The following LETM1 variants were observed in gnomAD, a reference collection of about 807,000 sequenced individuals.
The protein encoded by LETM1 is mitochondrial proton/calcium exchanger protein.
In LETM1, 50 loss-of-function variants were observed where a neutral mutation model predicts 74.5. The ratio of observed to expected loss-of-function variants is 0.67; its 90% CI spans 0.53 to 0.85. The LOEUF (loss-of-function observed/expected upper bound fraction) is 0.85. LETM1 is among the 40% of genes least tolerant of loss of function. The pLI, the probability that LETM1 is intolerant of heterozygous loss-of-function variation, is 0.00. For missense variants in LETM1, 824 were observed against 967.8 expected (o/e 0.85, Z 1.97); for synonymous variants, 446 against 407.1 (o/e 1.10, Z -1.15).
Position 1,822,362 on chromosome 4 carries a change from GTCT to G in LETM1, c.1477-53_1477-51del. 4 of 1,404,220 alleles carry G rather than the reference GTCT, an allele frequency of 2.8e-6. No homozygotes were observed. The South Asian group carries it at 6.7e-5, about 24-fold the overall frequency. The allele number at this position is 1,404,220 out of a possible 1,614,324, so 87.0% of individuals were successfully genotyped here. On this transcript the variant is annotated intron_variant, in intron 9 of 13. Coordinates refer to ENST00000302787, the MANE Select transcript of LETM1 (RefSeq NM_012318.3). ...CAGCGCCCGCCATCACACAGAAGCA[GTCT>G]TCTTGCTCCCCGAAGCTCAGAACAT...
In LETM1 at chr4:1,815,292, C is replaced by T. The variant is rs569864304; in HGVS notation, c.2070+372G>A. Among the ~76,000 whole-genome samples the T allele has an allele frequency of 3.3e-5, 5 of 152,210 alleles. No homozygotes were observed. In the East Asian group the frequency reaches 9.7e-4, roughly 30 times the overall value. On this transcript the variant is annotated intron_variant, in intron 13 of 13. Coordinates refer to ENST00000302787, the MANE Select transcript of LETM1 (RefSeq NM_012318.3). ...TGTAGTTGCCTCTCAGCTTTGGGGG[C>T]CCCCGGCAGGTGTGAAGTGCCCCCA...
At chr4:1,819,990 G>C (rs1349653767) in intron 10 of LETM1, among the ~76,000 whole-genome samples, 1 of 152,022 alleles carries the variant, frequency 6.6e-6, no homozygotes. Context: ...CAGGCTGGAG[G>C]GCAGTGGTGC....
chr4:1,844,343 G>C (rs1053348234), intron 2 of LETM1, among the ~76,000 whole-genome samples: 1 of 152,378 alleles, frequency 6.6e-6, no homozygotes, highest in African/African-American at 2.4e-5. Context: ...CTTACAGTTT[G>C]CTTACCCAAA....
At chr4:1,819,083 CAAA>C (rs796708132) in intron 11 of LETM1, among the ~76,000 whole-genome samples, 4 of 65,734 alleles carry the variant, frequency 6.1e-5, no homozygotes, top group African/African-American at 5.9e-5. Context: ...GACCTTCTTA[CAAA>C]AAAAAAAAAA....
chr4:1,856,133 C>T lies in LETM1; in HGVS notation c.-183G>A. The T allele has an allele frequency of 2.9e-6, 1 of 341,476 alleles. No individual in the cohort carries two copies. The highest frequency in any genetic ancestry group is 5.2e-6 in the Non-Finnish European group (1 of 192,918). The allele number at this position is 341,476 out of a possible 1,614,324, so 21.2% of individuals were successfully genotyped here. ...GGCACCAGCGGCGGCCTTGTCCCGG[C>T]ACAGACGTCCGGAGGCGCGGGGCGG... is the stretch of plus-strand genomic sequence containing the variant. On this transcript the variant is annotated 5_prime_UTR_variant, in exon 1 of 14. Coordinates refer to ENST00000302787, the MANE Select transcript of LETM1 (RefSeq NM_012318.3).
chr4:1,816,754 A>T lies in LETM1; in HGVS notation c.1904T>A (p.Leu635Gln), dbSNP rs1309923348. The T allele has an allele frequency of 1.2e-6, 2 of 1,614,166 alleles. No homozygotes were observed. The highest frequency in any genetic ancestry group is 1.7e-6 in the Non-Finnish European group (2 of 1,179,996). The stretch of plus-strand genomic sequence containing the variant: ...CGTGGGCATGCCGTTGGCCGGGGCC[A>T]GCTTGCCAGCCTGCTGGTCCATCTC... Reference protein sequence around the residue: ...QLEMDQQAGKLAPANGMPTGE... With the variant: ...QLEMDQQAGKQAPANGMPTGE... The change falls in exon 12 of 14, where the codon CTG (leucine) becomes CAG (glutamine). Residue 635 changes from leucine to glutamine, a missense_variant. Around this residue, in one of 4 missense-constraint regions of LETM1, gnomAD observed 161 missense variants for 252.7 expected, o/e 0.64. Coordinates refer to ENST00000302787, the MANE Select transcript of LETM1 (RefSeq NM_012318.3).
At position 1,834,765 on chromosome 4, in the gene LETM1, G is replaced by C. The variant is rs1258481722; in HGVS notation, c.876+80C>G. 1 of 1,586,350 alleles carries C rather than the reference G, an allele frequency of 6.3e-7. No homozygotes were observed. The highest frequency in any genetic ancestry group is 8.6e-7 in the Non-Finnish European group (1 of 1,164,748). ...CCAGCACCTGGGGGAGCTCCACTCT[G>C]CTGAGCACAGCGAAAGGGAAACAGA... On this transcript the variant is annotated intron_variant, in intron 5 of 13. Coordinates refer to ENST00000302787, the MANE Select transcript of LETM1 (RefSeq NM_012318.3). The surrounding 1 kb of genome is among the most constrained non-coding windows in gnomAD (Gnocchi z 5.0).
chr4:1,843,137 A>G (rs767318640), intron 2 of LETM1: 14 of 218,602 alleles, frequency 6.4e-5, no homozygotes, highest in Non-Finnish European at 1.3e-4. Flanking sequence ...TTCCAGCTCC[A>G]TTACTTACTG....
chr4:1,849,345 A>G (rs552696487), intron 1 of LETM1, 136 bp from the exon 2 acceptor site: 125 of 639,464 alleles, frequency 2.0e-4, no homozygotes, highest in Middle Eastern at 1.7e-3. Context: ...GCTCACTGCA[A>G]CCTCCACCTC....
chr4:1,848,610 G>T (rs1407670894), intron 2 of LETM1, among the ~76,000 whole-genome samples: 1 of 151,050 alleles, frequency 6.6e-6, no homozygotes, highest in Non-Finnish European at 1.5e-5. Context: ...CAGCTACTCG[G>T]GAGGTTGAAG....
Position 1,813,302 on chromosome 4 carries a change from A to G in LETM1, c.*1122T>C, listed in dbSNP as rs1468527295. On this transcript the variant is annotated 3_prime_UTR_variant, in exon 14 of 14. Transcript: ENST00000302787. ...CCTATGCTTGGAGGCCCCTGGAGGT[A>G]CATTTTTGCCAGGAACCAACCTGAC... The G allele has an allele frequency of 3.3e-5, 5 of 152,392 alleles. No individual in the cohort carries two copies. The highest frequency in any genetic ancestry group is 3.3e-4 in the Admixed American group (5 of 15,282). 9.4% of individuals were successfully genotyped at this position (152,392 alleles called of 1,614,324 possible).
chr4:1,821,340 C>G (rs1035334627), intron 10 of LETM1, among the ~76,000 whole-genome samples: 2 of 151,660 alleles, frequency 1.3e-5, no homozygotes, highest in African/African-American at 4.8e-5. Context: ...GATCCGCCCA[C>G]CTCGGCCTCC....
chr4:1,812,598 ACAC>A lies in LETM1; in HGVS notation c.*1823_*1825del, dbSNP rs995971779. 1.3e-5 allele frequency: 2 copies of A among 152,310 alleles called. No homozygotes were observed. The highest frequency in any genetic ancestry group is 2.4e-5 in the African/African-American group (1 of 41,440). The allele number at this position is 152,310 out of a possible 1,614,324, so 9.4% of individuals were successfully genotyped here. On this transcript the variant is annotated 3_prime_UTR_variant, in exon 14 of 14. Coordinates refer to ENST00000302787, the MANE Select transcript of LETM1 (RefSeq NM_012318.3). ...CACCACTGCTTACATTTGCACCCAG[ACAC>A]CACTTTTAGGTGCAAGAAGAAAGGT...
At chr4:1,846,042 A>C (rs1712872501) in intron 2 of LETM1, among the ~76,000 whole-genome samples, 1 of 151,246 alleles carries the variant, frequency 6.6e-6, no homozygotes, top group Admixed American at 6.6e-5. Context: ...TTTTTAGTAG[A>C]GATGGGGTTT....
chr4:1,851,408 C>T (rs910237906), intron 1 of LETM1, among the ~76,000 whole-genome samples: 1 of 152,138 alleles, frequency 6.6e-6, no homozygotes, highest in Non-Finnish European at 1.5e-5. Context: ...AGGGCAGGCA[C>T]TGACCCTGCT....
At chr4:1,825,069 CT>C (rs1711935640) in intron 7 of LETM1, among the ~76,000 whole-genome samples, 1 of 152,182 alleles carries the variant, frequency 6.6e-6, no homozygotes, top group Non-Finnish European at 1.5e-5. Flanking sequence ...GAGTGAGTGG[CT>C]GGGGCTGTCA....
chr4:1,843,841 G>C (rs1412172054), intron 2 of LETM1, among the ~76,000 whole-genome samples: 2 of 152,168 alleles, frequency 1.3e-5, no homozygotes. Context: ...CTTGAGTCAA[G>C]GCGTGCCGAG....
chr4:1,851,075 C>T (rs190380645), intron 1 of LETM1, among the ~76,000 whole-genome samples: 11 of 152,236 alleles, frequency 7.2e-5, no homozygotes, highest in Non-Finnish European at 1.5e-4. Context: ...TGCTCTAGTT[C>T]CTATAAGCAT....
At chr4:1,846,722 T>C (rs749846136) in intron 2 of LETM1, 6 of 152,214 alleles carry the variant, frequency 3.9e-5, no homozygotes, top group Non-Finnish European at 4.4e-5. Context: ...TTTTCTGCTA[T>C]TGTGATACCG....
Sources: gnomAD v4.1 joint callset for allele counts (sites outside exome capture counted in the v4.1 genomes callset) on GRCh38, gnomAD v4.1.1 for gene constraint, gnomAD v4.1.1 regional missense constraint, Gnocchi (gnomAD v3.1) non-coding constraint, MANE v1.5 for transcripts, NCBI Gene and HGNC (gene_info 2026-07-23, HGNC 2026-07-21) for gene names.